Variants in PCDHGA6 observed in about 807,000 individuals in gnomAD.
PCDHGA6 encodes the protein protocadherin gamma-A6.
A neutral mutation model predicts 60.6 loss-of-function variants in PCDHGA6; 41 were observed. That is an observed-to-expected ratio of 0.68 (90% confidence interval 0.53 to 0.88). PCDHGA6 has a LOEUF of 0.88. PCDHGA6 is among the 40% of genes least tolerant of loss of function. The pLI, the probability that PCDHGA6 is intolerant of heterozygous loss-of-function variation, is 0.00. For missense variants in PCDHGA6, 1,312 were observed against 1,203.0 expected, an observed-to-expected ratio of 1.09 and a Z score of -1.34; for synonymous variants, 594 against 524.4, an observed-to-expected ratio of 1.13 and a Z score of -1.81.
chr5:141,451,676 G>C (rs1363843426), intron 1 of PCDHGA6, among the ~76,000 whole-genome samples: 1 of 152,142 alleles, frequency 6.6e-6, no homozygotes, highest in African/African-American at 2.4e-5. Context: ...GAGCCCAGGA[G>C]TTCAAGACCA....
rs748746691 is a variant in PCDHGA6, at chr5:141,374,211, C to T, written c.128C>T (p.Ser43Phe). ...YSIPEELEKG[S>F]FVGNIVKDLG... ...ATTCCCGAGGAGCTGGAGAAAGGCT[C>T]CTTCGTAGGCAACATCGTCAAGGAT... The change falls in exon 1 of 4, where the codon TCC becomes TTC. Residue 43 changes from serine (S) to phenylalanine (F), a missense_variant. Physicochemically the swap from Ser to Phe is radical, Grantham distance 155. Transcript: ENST00000517434. 10 of 1,613,954 alleles carry T rather than the reference C, an allele frequency of 6.2e-6. No individual in the cohort carries two copies. Among genetic ancestry groups the T allele is most frequent in the Non-Finnish European group, 8.5e-6 (10 of 1,179,902 alleles).
chr5:141,485,735 G>C lies in PCDHGA6; in HGVS notation c.2425-9072G>C, dbSNP rs1562107417. ...ACTGGATGTGAAGAAGCGCAGCGAC[G>C]GCAGCCTGGTCCCAGAGCTGCTCCT... is the stretch of plus-strand genomic sequence containing the variant. On this transcript the variant is annotated intron_variant, in intron 1 of 3. Coordinates refer to ENST00000517434, the MANE Select transcript of PCDHGA6 (RefSeq NM_018919.3). This position sits in a 1 kb window ranked among gnomAD's most constrained non-coding sequence, Gnocchi z 5.7. 2.5e-6 allele frequency: 4 copies of C among 1,614,048 alleles called. No individual in the cohort carries two copies. The highest frequency in any genetic ancestry group is 3.4e-6 in the Non-Finnish European group (4 of 1,180,044).
At chr5:141,396,952 A>G (rs2093458879) in intron 1 of PCDHGA6, among the ~76,000 whole-genome samples, 1 of 152,196 alleles carries the variant, frequency 6.6e-6, no homozygotes, top group African/African-American at 2.4e-5. Context: ...AGGAAAGAAA[A>G]TCCTTACTCT....
At chr5:141,419,642 G>A (rs376762490) in intron 1 of PCDHGA6, 1 of 1,612,412 alleles carries the variant, frequency 6.2e-7, no homozygotes, top group African/African-American at 1.3e-5. Context: ...GGTGGCCGTG[G>A]ACGCGGACTC....
chr5:141,461,773 C>T (rs894271810), intron 1 of PCDHGA6, among the ~76,000 whole-genome samples: 3 of 152,108 alleles, frequency 2.0e-5, no homozygotes, highest in Non-Finnish European at 4.4e-5. Context: ...CCTGCCTCAG[C>T]CTCCCAAGTA....
intron 1 of PCDHGA6, chr5:141,408,141 C>G: frequency 1.3e-6 from 2 of 1,492,116 alleles, no homozygotes; most frequent in Non-Finnish European, 1.8e-6. Context: ...GCTCTTTTAG[C>G]GCGGTAGAGT....
At chr5:141,478,755 A>G in intron 1 of PCDHGA6, 1 of 1,519,784 alleles carries the variant, frequency 6.6e-7, no homozygotes, top group South Asian at 1.3e-5. Flanking sequence ...TTCAGGGGGA[A>G]GATACTTGAC....
In PCDHGA6 at chr5:141,486,432, G is replaced by T; in HGVS notation, c.2425-8375G>T. On this transcript the variant is annotated intron_variant, in intron 1 of 3. Coordinates refer to ENST00000517434, the MANE Select transcript of PCDHGA6 (RefSeq NM_018919.3). This position sits in a 1 kb window ranked among gnomAD's most constrained non-coding sequence, Gnocchi z 5.0. ...CCCTTGGATCGAGAGGCCAAATCTA[G>T]CTATGACATCATGGTCACTGCTTCT... 4 of 1,614,172 alleles carry T rather than the reference G, an allele frequency of 2.5e-6. No homozygotes were observed. Among genetic ancestry groups the T allele is most frequent in the Non-Finnish European group, 2.5e-6 (3 of 1,180,020 alleles).
chr5:141,410,435 G>C (rs772158163), intron 1 of PCDHGA6: 5 of 1,614,054 alleles, frequency 3.1e-6, no homozygotes, highest in Non-Finnish European at 4.2e-6. Flanking sequence ...CAACTACAGT[G>C]AGGGGACTTT....
chr5:141,376,604 C>T (rs1772886423), intron 1 of PCDHGA6, 97 bp downstream of exon 1: 4 of 1,509,582 alleles, frequency 2.6e-6, no homozygotes, highest in Non-Finnish European at 3.6e-6. Context: ...GTTATAGAAG[C>T]GAACCTCTTT....
intron 2 of PCDHGA6, among the ~76,000 whole-genome samples, chr5:141,498,789 C>T (rs1302940884): frequency 6.6e-6 from 1 of 151,980 alleles, no homozygotes; most frequent in Non-Finnish European, 1.5e-5. Context: ...AAATATTAGC[C>T]AGGTGTGGTG....
chr5:141,404,685 C>T (rs554522683), intron 1 of PCDHGA6: 1 of 1,614,010 alleles, frequency 6.2e-7, no homozygotes, highest in South Asian at 1.1e-5. Flanking sequence ...GTGGAGCTGG[C>T]ACCCCGCTCT....
intron 1 of PCDHGA6, chr5:141,413,769 G>T: frequency 6.2e-7 from 1 of 1,612,870 alleles, no homozygotes; most frequent in Non-Finnish European, 8.5e-7. Flanking sequence ...ACCCGGAGCT[G>T]GTACTGGAGC....
In PCDHGA6 at chr5:141,383,779, C is replaced by G. The variant is rs1779468390; in HGVS notation, c.2424+7272C>G. 1 of 1,614,002 alleles carries G rather than the reference C, an allele frequency of 6.2e-7. No homozygotes were observed. ...TCCTAAACTTCCAAAGATGTTTCATCTGAACTCGCTTACAGGAGAAATATC... is the reference window on the plus strand; with the variant it reads ...TCCTAAACTTCCAAAGATGTTTCATGTGAACTCGCTTACAGGAGAAATATC... On this transcript the variant is annotated intron_variant, in intron 1 of 3. Coordinates refer to ENST00000517434, the MANE Select transcript of PCDHGA6 (RefSeq NM_018919.3).
chr5:141,446,622 G>A (rs1338969669), intron 1 of PCDHGA6, among the ~76,000 whole-genome samples: 13 of 152,044 alleles, frequency 8.6e-5, no homozygotes, highest in East Asian at 1.9e-4. Flanking sequence ...GACTACAGGC[G>A]TGCACCACCA....
chr5:141,485,106 T>A lies in PCDHGA6; in HGVS notation c.2425-9701T>A, dbSNP rs2099607051. 8.3e-7 allele frequency: 1 copy of A among 1,206,448 alleles called. No individual in the cohort carries two copies. Among genetic ancestry groups the A allele is most frequent in the Admixed American group, 1.8e-5 (1 of 55,050 alleles). 74.7% of individuals were successfully genotyped at this position (1,206,448 alleles called of 1,614,324 possible). On this transcript the variant is annotated intron_variant, in intron 1 of 3. Coordinates refer to ENST00000517434, the MANE Select transcript of PCDHGA6 (RefSeq NM_018919.3). The surrounding 1 kb of genome is among the most constrained non-coding windows in gnomAD (Gnocchi z 5.7). ...GGGAGATAGGTGTCTCCAGCTGCTG[T>A]GGCTGTTTGGGGCGGGTCGGCTTCA...
chr5:141,374,949 C>T lies in PCDHGA6; in HGVS notation c.866C>T (p.Ser289Leu), dbSNP rs1770969144. ...TTTGTGAAGATTACAGAAAAGATCT[C>T]ACAAATTTTCTGTTTGAATGTTTTG... ...YSFVKITEKI[S>L]QIFCLNVLTG... is the part of the protein sequence containing the mutation. The change falls in exon 1 of 4, where the codon TCA becomes TTA. Residue 289 changes from serine (S) to leucine (L), a missense_variant. Transcript: ENST00000517434. 1 of 1,614,022 alleles carries T rather than the reference C, an allele frequency of 6.2e-7. No homozygotes were observed. The highest frequency in any genetic ancestry group is 1.3e-5 in the African/African-American group (1 of 75,070).
In PCDHGA6 at chr5:141,477,806, G is replaced by T; in HGVS notation, c.2425-17001G>T. ...ATTTGTCACTGATCGCAATGACAAT[G>T]CCCCCCAGGTCCTATATCCTCGGCC... On this transcript the variant is annotated intron_variant, in intron 1 of 3. Coordinates refer to ENST00000517434, the MANE Select transcript of PCDHGA6 (RefSeq NM_018919.3). The surrounding 1 kb of genome is among the most constrained non-coding windows in gnomAD (Gnocchi z 4.9). 6.2e-7 allele frequency: 1 copy of T among 1,614,118 alleles called. No homozygotes were observed. The highest frequency in any genetic ancestry group is 8.5e-7 in the Non-Finnish European group (1 of 1,180,036).
chr5:141,419,140 G>C, intron 1 of PCDHGA6: 1 of 1,613,868 alleles, frequency 6.2e-7, no homozygotes, highest in Non-Finnish European at 8.5e-7. Flanking sequence ...CCACAGACAG[G>C]GGCAAGCCTC....
Sources: gnomAD v4.1 joint callset for allele counts (sites outside exome capture counted in the v4.1 genomes callset) on GRCh38, gnomAD v4.1.1 for gene constraint, Gnocchi (gnomAD v3.1) non-coding constraint, MANE v1.5 for transcripts, NCBI Gene and HGNC (gene_info 2026-07-23, HGNC 2026-07-21) for gene names.